C12orf75: variants seen among roughly 807,000 people sequenced by gnomAD.
The protein encoded by C12orf75 is chromosome 12 open reading frame 75.
Under a neutral mutation model 11.4 loss-of-function variants are expected in C12orf75, and 4 were observed. That is an observed-to-expected ratio of 0.35 (90% confidence interval 0.17 to 0.80). The LOEUF (loss-of-function observed/expected upper bound fraction) is 0.80, where lower values mean the gene tolerates loss of function less well. C12orf75 is among the 30% of genes least tolerant of loss of function. The pLI, the probability that C12orf75 is intolerant of heterozygous loss-of-function variation, is 0.52. For missense variants in C12orf75, 89 were observed against 80.4 expected, an observed-to-expected ratio of 1.11 and a Z score of -0.41; for synonymous variants, 30 against 30.0, an observed-to-expected ratio of 1.00 and a Z score of 0.00.
At chr12:105,357,445 C>A (rs1176402429) in intron 2 of C12orf75, among the ~76,000 whole-genome samples, 2 of 152,060 alleles carry the variant, frequency 1.3e-5, no homozygotes, top group Non-Finnish European at 2.9e-5. Context: ...CAGTATCTTA[C>A]TCTACAAGAG....
intron 2 of C12orf75, among the ~76,000 whole-genome samples, chr12:105,355,992 G>T (rs879430801): frequency 5.9e-5 from 9 of 152,138 alleles, no homozygotes; most frequent in Non-Finnish European, 8.8e-5. Flanking sequence ...ATACACTCTG[G>T]AAGAAAGAAA....
intron 1 of C12orf75, among the ~76,000 whole-genome samples, chr12:105,344,228 A>G (rs1284866186): frequency 6.6e-6 from 1 of 152,146 alleles, no homozygotes; most frequent in Non-Finnish European, 1.5e-5. Context: ...TCCTAGCTGC[A>G]TTTGTTGGCC....
chr12:105,350,295 G>A (rs1464686746), intron 2 of C12orf75, among the ~76,000 whole-genome samples: 4 of 152,202 alleles, frequency 2.6e-5, no homozygotes, highest in Non-Finnish European at 5.9e-5. Flanking sequence ...GAGCATTTAT[G>A]TTTTAGCCTC....
intron 2 of C12orf75, among the ~76,000 whole-genome samples, chr12:105,362,157 C>T (rs1366162528): frequency 9.2e-5 from 14 of 151,848 alleles, no homozygotes; most frequent in East Asian, 1.9e-4. Context: ...GAGGCCGAGG[C>T]GGGCGGATCA....
At chr12:105,362,783 G>C (rs1892891029) in intron 2 of C12orf75, among the ~76,000 whole-genome samples, 1 of 152,194 alleles carries the variant, frequency 6.6e-6, no homozygotes, top group South Asian at 2.1e-4. Context: ...CACAAATCTG[G>C]GTTTGAATTC....
At chr12:105,369,198 C>G (rs568496903) in intron 5 of C12orf75, among the ~76,000 whole-genome samples, 2 of 152,202 alleles carry the variant, frequency 1.3e-5, no homozygotes, top group Non-Finnish European at 2.9e-5. Context: ...CCACAGTTTT[C>G]TCATGGGAGT....
chr12:105,342,204 TAAG>T (rs1566136997), intron 1 of C12orf75, among the ~76,000 whole-genome samples: 1 of 152,200 alleles, frequency 6.6e-6, no homozygotes, highest in Non-Finnish European at 1.5e-5. Flanking sequence ...TGGGACCTAA[TAAG>T]AAGTGATTAG....
intron 1 of C12orf75, among the ~76,000 whole-genome samples, chr12:105,333,096 G>T (rs1892456618): frequency 6.6e-6 from 1 of 152,174 alleles, no homozygotes; most frequent in Non-Finnish European, 1.5e-5. Context: ...TTCAAAACAT[G>T]CAGGAGACAA....
chr12:105,355,158 ATTTCTTTTTCTT>A (rs1182933543), intron 2 of C12orf75, among the ~76,000 whole-genome samples: 6 of 132,656 alleles, frequency 4.5e-5, no homozygotes, highest in African/African-American at 8.8e-5. Flanking sequence ...GTTTTCACGA[ATTTCTTTTTCTT>A]TTTCTTTTTC....
intron 1 of C12orf75, among the ~76,000 whole-genome samples, chr12:105,331,712 G>T (rs1281498756): frequency 6.6e-6 from 1 of 152,032 alleles, no homozygotes; most frequent in Non-Finnish European, 1.5e-5. Context: ...TGTGTCAAGT[G>T]ACTTTTGCCA....
At chr12:105,347,496 A>G (rs1892654532) in intron 1 of C12orf75, among the ~76,000 whole-genome samples, 2 of 152,226 alleles carry the variant, frequency 1.3e-5, no homozygotes, top group African/African-American at 4.8e-5. Flanking sequence ...GCTGAAGAAC[A>G]TGGAGTCCGA....
At chr12:105,359,908 C>T (rs959473030) in intron 2 of C12orf75, among the ~76,000 whole-genome samples, 3 of 152,042 alleles carry the variant, frequency 2.0e-5, no homozygotes, top group Non-Finnish European at 2.9e-5. Context: ...GACCAATTAA[C>T]TCCCAAAGAG....
intron 1 of C12orf75, among the ~76,000 whole-genome samples, chr12:105,345,233 A>C (rs933314309): frequency 6.6e-6 from 1 of 152,156 alleles, no homozygotes; most frequent in African/African-American, 2.4e-5. Context: ...TCATGTCTGT[A>C]ACCCTAACAC....
chr12:105,351,460 A>G (rs754237761), intron 2 of C12orf75, among the ~76,000 whole-genome samples: 9 of 152,286 alleles, frequency 5.9e-5, no homozygotes, highest in Admixed American at 2.0e-4. Flanking sequence ...CGTTTTTCTT[A>G]TTTATTTGCT....
intron 2 of C12orf75, among the ~76,000 whole-genome samples, chr12:105,348,833 G>A (rs1892674679): frequency 6.6e-6 from 1 of 152,164 alleles, no homozygotes; most frequent in Non-Finnish European, 1.5e-5. Flanking sequence ...CAGTTGCCTG[G>A]GCACTTTAAC....
rs1336285226 is a variant in C12orf75, at chr12:105,332,745, AAAAAAG to A, written c.46+1813_46+1818del. On this transcript the variant is annotated intron_variant, in intron 1 of 5. Transcript: ENST00000443585. ...GAACTCCGCTCCATCTAAAAAAAAA[AAAAAAG>A]AAAAGAAAAGAAAATAGAAAGATGG... Among the ~76,000 whole-genome samples, 31 of 151,900 alleles carry A rather than the reference AAAAAAG, an allele frequency of 2.0e-4. No individual in the cohort carries two copies. The East Asian group carries it at 5.2e-3, about 26-fold the overall frequency.
rs544291188 is a variant in C12orf75, at chr12:105,333,410, C to T, written c.46+2473C>T. Among the ~76,000 whole-genome samples the T allele has an allele frequency of 1.7e-3, 261 of 152,242 alleles. 1 individual carries two copies. Among genetic ancestry groups the T allele is most frequent in the South Asian group, 6.2e-3 (30 of 4,828 alleles). On this transcript the variant is annotated intron_variant, in intron 1 of 5. Coordinates refer to ENST00000443585, the MANE Select transcript of C12orf75 (RefSeq NM_001145199.2). Reference sequence around the variant, plus strand: ...AGCTGCACACTAGGAGGACTGAACCCGAGCAATACGAAACGCGTTAAAGAG... The same window carrying T: ...AGCTGCACACTAGGAGGACTGAACCTGAGCAATACGAAACGCGTTAAAGAG...
intron 1 of C12orf75, among the ~76,000 whole-genome samples, chr12:105,347,550 C>A (rs1231630444): frequency 4.6e-5 from 7 of 152,200 alleles, no homozygotes; most frequent in Non-Finnish European, 1.0e-4. Flanking sequence ...CAGATGAAGG[C>A]CAGAAAGCTC....
At position 105,332,463 on chromosome 12, in the gene C12orf75, C is replaced by T. The variant is rs570524144; in HGVS notation, c.46+1526C>T. Among the ~76,000 whole-genome samples the T allele has an allele frequency of 5.5e-4, 84 of 152,110 alleles. 1 individual carries two copies. Among genetic ancestry groups the T allele is most frequent in the Non-Finnish European group, 8.5e-4 (58 of 68,024 alleles). On this transcript the variant is annotated intron_variant, in intron 1 of 5. Transcript: ENST00000443585. Reference sequence around the variant, plus strand: ...CAGAATGATGGACCAGGCGCAGTGACTCATGCCTGTGTAATCCCAGCACTT... The same window carrying T: ...CAGAATGATGGACCAGGCGCAGTGATTCATGCCTGTGTAATCCCAGCACTT...
Sources: gnomAD v4.1 joint callset for allele counts (sites outside exome capture counted in the v4.1 genomes callset) on GRCh38, gnomAD v4.1.1 for gene constraint, MANE v1.5 for transcripts, NCBI Gene and HGNC (gene_info 2026-07-23, HGNC 2026-07-21) for gene names.